The following ANKRD36C variants were observed in gnomAD, a reference collection of about 807,000 sequenced individuals.
ANKRD36C encodes ankyrin repeat domain 36C, also known as ankyrin repeat domain-containing protein 36C.
In ANKRD36C, 61 loss-of-function variants were observed where a neutral mutation model predicts 276.4. The ratio of observed to expected loss-of-function variants is 0.22; its 90% CI spans 0.18 to 0.27. The LOEUF is 0.27. Among genes scored for constraint, ANKRD36C ranks in the 10% least tolerant of loss-of-function variants. The pLI, the probability that ANKRD36C is intolerant of heterozygous loss-of-function variation, is 1.00. For synonymous variants in ANKRD36C, 483 were observed against 680.1 expected (o/e 0.71, Z 4.51); for missense variants, 1,447 against 2,032.3 (o/e 0.71, Z 5.54).
At chr2:95,967,367 G>C (rs1678613279) in intron 6 of ANKRD36C, among the ~76,000 whole-genome samples, 1 of 152,104 alleles carries the variant, frequency 6.6e-6, no homozygotes, top group African/African-American at 2.4e-5. Context: ...CATTTATGCA[G>C]CCAAGAAACA....
chr2:95,891,614 T>C (rs1573744322), intron 46 of ANKRD36C, 51 bp downstream of exon 66: 4 of 1,526,034 alleles, frequency 2.6e-6, no homozygotes, highest in East Asian at 2.5e-5. Flanking sequence ...GGGAAGAGAA[T>C]TTCTTATCTA....
chr2:95,884,285 A>C (rs773202887), intron 53 of ANKRD36C, 40 bp from the exon 74 acceptor site: 101 of 1,609,968 alleles, frequency 6.3e-5, no homozygotes, highest in Middle Eastern at 4.5e-4. Context: ...TCAATAAAGT[A>C]TGTTTCATAG....
intron 24 of ANKRD36C, among the ~76,000 whole-genome samples, chr2:95,933,887 A>T (rs200805427): frequency 0.061 from 6,589 of 107,904 alleles, no homozygotes; most frequent in South Asian, 0.1. Flanking sequence ...AATATCCAGA[A>T]TCTAAAAGGA....
At chr2:95,925,472 T>C (rs1442931655) in intron 29 of ANKRD36C, 47 bp downstream of exon 29, 3 of 1,547,226 alleles carry the variant, frequency 1.9e-6, no homozygotes, top group Non-Finnish European at 2.6e-6. Context: ...ATATATTTCA[T>C]AGGCTATGTA....
intron 59 of ANKRD36C, among the ~76,000 whole-genome samples, chr2:95,870,291 C>T (rs1238955782): frequency 6.6e-6 from 1 of 152,182 alleles, no homozygotes; most frequent in Non-Finnish European, 1.5e-5. Context: ...ACACCTCACA[C>T]AGCCGGGTAC....
At chr2:95,983,253 C>T (rs1284684569) in intron 3 of ANKRD36C, among the ~76,000 whole-genome samples, 8 of 151,766 alleles carry the variant, frequency 5.3e-5, no homozygotes, top group Admixed American at 1.3e-4. Flanking sequence ...TTCGAGTAAA[C>T]TTTCACTGCT....
intron 59 of ANKRD36C, 60 bp downstream of exon 79, chr2:95,876,379 T>C: frequency 7.7e-7 from 1 of 1,304,240 alleles, no homozygotes; most frequent in Non-Finnish European, 1.1e-6. Flanking sequence ...AAATATGCTG[T>C]ATTACCAAAG....
intron 16 of ANKRD36C, among the ~76,000 whole-genome samples, chr2:95,950,367 A>C (rs1458632169): frequency 8.3e-5 from 9 of 107,870 alleles, no homozygotes; most frequent in South Asian, 3.9e-4. Context: ...AATATATAAC[A>C]AAATGTGACT....
Position 95,987,198 on chromosome 2 carries a change from AG to A in ANKRD36C, c.205del (p.Leu69TyrfsTer34). On this transcript the variant is annotated frameshift_variant, in exon 2 of 67. Coordinates refer to ENST00000456556, the Ensembl canonical transcript of ANKRD36C. LOFTEE classifies it high-confidence loss of function. ...TTGGCCAGTGGCACAGGCCAAATGT[AG>A]GGCGGTCCTGTGAGAGTGACAGGAC... 1 of 1,545,392 alleles carries A rather than the reference AG, an allele frequency of 6.5e-7. No individual in the cohort carries two copies. Among genetic ancestry groups the A allele is most frequent in the Non-Finnish European group, 8.7e-7 (1 of 1,145,052 alleles).
In ANKRD36C at chr2:95,921,690, T is replaced by C; in HGVS notation, c.2173-11A>G. On this transcript the variant is annotated splice_polypyrimidine_tract_variant and intron_variant, in intron 33 of 66. Coordinates refer to ENST00000456556, the Ensembl canonical transcript of ANKRD36C. ...CTCGTCAGTTGTAGCCTGAATGGAATTTGAAAGAAAATAATAAATAAATAA... is the reference window on the plus strand; with the variant it reads ...CTCGTCAGTTGTAGCCTGAATGGAACTTGAAAGAAAATAATAAATAAATAA... The C allele has an allele frequency of 1.9e-6, 3 of 1,598,628 alleles. No homozygotes were observed. Among genetic ancestry groups the C allele is most frequent in the Non-Finnish European group, 2.6e-6 (3 of 1,173,732 alleles).
chr2:95,984,090 C>G (rs1167839245), intron 3 of ANKRD36C, among the ~76,000 whole-genome samples: 2 of 152,082 alleles, frequency 1.3e-5, no homozygotes, highest in Non-Finnish European at 2.9e-5. Context: ...ACACCACCAT[C>G]TAAATTCAAA....
chr2:95,911,672 T>C (rs1489971826), intron 42 of ANKRD36C, among the ~76,000 whole-genome samples: 1 of 151,514 alleles, frequency 6.6e-6, no homozygotes, highest in Non-Finnish European at 1.5e-5. Context: ...CAAAAACAAT[T>C]ACTGTTTATG....
chr2:95,937,933 A>G (rs1029464575), intron 22 of ANKRD36C, among the ~76,000 whole-genome samples: 1 of 152,302 alleles, frequency 6.6e-6, no homozygotes, highest in African/African-American at 2.4e-5. Flanking sequence ...AGAGACTTTA[A>G]TTAATTGTGG....
intron 58 of ANKRD36C, among the ~76,000 whole-genome samples, chr2:95,879,031 C>T (rs1459652941): frequency 2.6e-5 from 4 of 152,260 alleles, no homozygotes; most frequent in South Asian, 2.1e-4. Context: ...GCAGCACTTT[C>T]CACAATAGCC....
chr2:95,953,343 C>T (rs1304240150), intron 14 of ANKRD36C, among the ~76,000 whole-genome samples: 1 of 152,070 alleles, frequency 6.6e-6, no homozygotes, highest in East Asian at 1.9e-4. Flanking sequence ...GGTGGGACTA[C>T]AGGCACATGA....
At chr2:95,991,812 T>C, upstream of ANKRD36C, 1 of 1,112,944 alleles carries the variant, frequency 9.0e-7, no homozygotes, top group Admixed American at 2.4e-5. Context: ...TCCACGGACC[T>C]TCGCACAGAC....
At chr2:95,968,618 A>AT (rs968093970) in intron 6 of ANKRD36C, among the ~76,000 whole-genome samples, 20 of 152,194 alleles carry the variant, frequency 1.3e-4, no homozygotes, top group Admixed American at 2.6e-4. Context: ...CCAAATATGT[A>AT]TTTTTCCCCA....
intron 26 of ANKRD36C, among the ~76,000 whole-genome samples, 171 bp from the exon 27 acceptor site, chr2:95,927,580 A>C (rs991949794): frequency 1.3e-4 from 19 of 151,612 alleles, no homozygotes; most frequent in African/African-American, 4.3e-4. Flanking sequence ...CACTGAAAAA[A>C]AAGGAATACA....
intron 1 of ANKRD36C, among the ~76,000 whole-genome samples, chr2:95,988,737 T>C (rs1393135210): frequency 1.3e-5 from 2 of 152,212 alleles, no homozygotes; most frequent in African/African-American, 2.4e-5. Flanking sequence ...AATTGTTTGC[T>C]TATATGTAAT....
Sources: allele counts gnomAD v4.1 joint callset (sites outside exome capture counted in the v4.1 genomes callset), GRCh38; gene constraint gnomAD v4.1.1; transcripts MANE v1.5; gene names NCBI Gene and HGNC (gene_info 2026-07-23, HGNC 2026-07-21).